Variants in GUCY1A2 observed in about 807,000 individuals in gnomAD.
GUCY1A2 encodes guanylate cyclase soluble subunit alpha-2.
GUCY1A2 carries 27 observed loss-of-function variants against 63.5 expected under a neutral mutation model. The observed-to-expected ratio is 0.43, with a 90% CI of 0.31 to 0.59. GUCY1A2 has a LOEUF of 0.59. Among genes scored for constraint, GUCY1A2 ranks in the 20% least tolerant of loss-of-function variants. The probability of loss-of-function intolerance (pLI) is 0.11; values close to 1 mark genes in which losing one functional copy is unlikely to be tolerated. For synonymous variants in GUCY1A2, 364 were observed against 343.5 expected (o/e 1.06, Z -0.66); for missense variants, 768 against 913.3 (o/e 0.84, Z 2.05).
chr11:106,770,036 TA>T (rs560646003), intron 6 of GUCY1A2, among the ~76,000 whole-genome samples: 2 of 151,044 alleles, frequency 1.3e-5, no homozygotes, highest in African/African-American at 4.9e-5. Context: ...CATTAAAAAA[TA>T]AAAAAAATAT....
intron 6 of GUCY1A2, among the ~76,000 whole-genome samples, chr11:106,721,065 A>ATTTT (rs71041688): frequency 0.13 from 19,500 of 144,920 alleles, 1,439 homozygotes; most frequent in Middle Eastern, 0.2. Flanking sequence ...ATATTTGCAA[A>ATTTT]TTTTTTTTTT....
At chr11:106,780,396 A>G (rs1319895966) in intron 5 of GUCY1A2, among the ~76,000 whole-genome samples, 2 of 152,172 alleles carry the variant, frequency 1.3e-5, no homozygotes, top group African/African-American at 4.8e-5. Context: ...CCAAATCTTA[A>G]TGCACTAAAT....
chr11:106,703,162 A>T (rs1039607848), intron 7 of GUCY1A2, among the ~76,000 whole-genome samples: 1 of 152,144 alleles, frequency 6.6e-6, no homozygotes, highest in African/African-American at 2.4e-5. Context: ...CAAGTCCTTC[A>T]GCTTTGGGAC....
chr11:106,954,764 T>C (rs904337878), intron 3 of GUCY1A2, among the ~76,000 whole-genome samples: 1 of 152,180 alleles, frequency 6.6e-6, no homozygotes, highest in Non-Finnish European at 1.5e-5. Context: ...TATAATACCC[T>C]TGTCTTTTTG....
intron 4 of GUCY1A2, among the ~76,000 whole-genome samples, chr11:106,890,238 C>T (rs145923836): frequency 1.3e-5 from 2 of 152,300 alleles, no homozygotes; most frequent in East Asian, 3.9e-4. Flanking sequence ...AAACCCAACT[C>T]TTCAGTAAAC....
chr11:106,890,162 T>G (rs1275527270), intron 4 of GUCY1A2, among the ~76,000 whole-genome samples: 2 of 152,154 alleles, frequency 1.3e-5, no homozygotes, highest in African/African-American at 4.8e-5. Context: ...CTACTGTATG[T>G]TTTTCCTTGC....
rs188614808 is a variant in GUCY1A2 at position 106,765,085 on chromosome 11, C to T, written c.1836+11354G>A. Reference sequence around the variant, plus strand: ...CTATAATCTTGTACATATTTTTAACCCCAATGTCTTTTTTTATCTTTTAAG... The same window carrying T: ...CTATAATCTTGTACATATTTTTAACTCCAATGTCTTTTTTTATCTTTTAAG... On this transcript the variant is annotated intron_variant, in intron 6 of 7. Coordinates refer to ENST00000526355, the MANE Select transcript of GUCY1A2 (RefSeq NM_000855.3). 1.0e-3 allele frequency among the ~76,000 whole-genome samples: 159 copies of T among 151,798 alleles called. 1 individual carries two copies. Among genetic ancestry groups the T allele is most frequent in the African/African-American group, 3.7e-3 (152 of 41,378 alleles).
chr11:107,014,287 C>G (rs1861789578), intron 1 of GUCY1A2, among the ~76,000 whole-genome samples: 1 of 151,910 alleles, frequency 6.6e-6, no homozygotes, highest in South Asian at 2.1e-4. Flanking sequence ...CGGGGTTTCA[C>G]CATGTTGACC....
intron 6 of GUCY1A2, among the ~76,000 whole-genome samples, chr11:106,764,336 T>G (rs142464680): frequency 3.3e-5 from 5 of 152,204 alleles, no homozygotes; most frequent in Admixed American, 3.3e-4. Context: ...TATTAATACA[T>G]TCCAGTTGTA....
intron 4 of GUCY1A2, chr11:106,826,999 TAGAC>T (rs992846194): frequency 9.9e-6 from 16 of 1,609,986 alleles, no homozygotes; most frequent in African/African-American, 4.0e-5. Flanking sequence ...CAATTCCACA[TAGAC>T]AGGCCACATC....
chr11:106,976,619 A>AAATGTT (rs374545775), intron 3 of GUCY1A2, among the ~76,000 whole-genome samples: 2 of 152,192 alleles, frequency 1.3e-5, no homozygotes, highest in African/African-American at 2.4e-5. Context: ...GGCAGGCATT[A>AAATGTT]AATGTTAATG....
chr11:106,948,630 C>T (rs1301809102), intron 3 of GUCY1A2, among the ~76,000 whole-genome samples: 3 of 152,056 alleles, frequency 2.0e-5, no homozygotes, highest in Admixed American at 1.3e-4. Context: ...TTGCTATCAT[C>T]GTTTTCAATA....
chr11:106,829,985 AG>A (rs1216305550), intron 4 of GUCY1A2, among the ~76,000 whole-genome samples: 2 of 152,168 alleles, frequency 1.3e-5, no homozygotes, highest in African/African-American at 4.8e-5. Context: ...AATGGGTAGT[AG>A]AAGAAGGTAG....
chr11:106,791,148 C>T (rs1864652105), intron 5 of GUCY1A2, among the ~76,000 whole-genome samples: 1 of 152,196 alleles, frequency 6.6e-6, no homozygotes, highest in South Asian at 2.1e-4. Context: ...AACTCAAGTT[C>T]TGAACACTGG....
chr11:106,938,900 G>A (rs1860714086), intron 4 of GUCY1A2, among the ~76,000 whole-genome samples: 2 of 152,048 alleles, frequency 1.3e-5, no homozygotes, highest in South Asian at 4.1e-4. Context: ...ATGTTCTAAA[G>A]CAATGAATCT....
At position 106,678,122 on chromosome 11, in the gene GUCY1A2, T is replaced by G. The variant is rs1451909521; in HGVS notation, c.*9427A>C. The G allele has an allele frequency of 5.1e-6, 1 of 197,842 alleles. No homozygotes were observed. The allele number at this position is 197,842 out of a possible 1,614,324, so 12.3% of individuals were successfully genotyped here. ...ACACAGGAACAAAAATTAAAGAATT[T>G]TTCTAAAAGTCCCCCTGAATTACTT... On this transcript the variant is annotated 3_prime_UTR_variant, in exon 8 of 8. Transcript: ENST00000526355.
At chr11:106,696,343 A>C (rs1014877158) in intron 7 of GUCY1A2, among the ~76,000 whole-genome samples, 5 of 152,342 alleles carry the variant, frequency 3.3e-5, no homozygotes, top group African/African-American at 1.2e-4. Flanking sequence ...ATTAGAAAAG[A>C]TAACTGTAAC....
At chr11:106,926,838 A>G (rs1860530440) in intron 4 of GUCY1A2, among the ~76,000 whole-genome samples, 1 of 151,724 alleles carries the variant, frequency 6.6e-6, no homozygotes, top group Admixed American at 6.6e-5. Flanking sequence ...AAGGAAAATC[A>G]AACACAGTTT....
At chr11:106,847,677 T>A (rs1170156543) in intron 4 of GUCY1A2, among the ~76,000 whole-genome samples, 2 of 151,552 alleles carry the variant, frequency 1.3e-5, no homozygotes, top group Non-Finnish European at 3.0e-5. Flanking sequence ...TTAATTAAAA[T>A]TTGAGTCTGT....
Sources: allele counts gnomAD v4.1 joint callset (sites outside exome capture counted in the v4.1 genomes callset), GRCh38; gene constraint gnomAD v4.1.1; transcripts MANE v1.5; gene names NCBI Gene and HGNC (gene_info 2026-07-23, HGNC 2026-07-21).